Variants in LTF observed in about 807,000 individuals in gnomAD.
The protein encoded by LTF is lactotransferrin, also known as epididymis luminal protein 110.
In LTF, 91 loss-of-function variants were observed where a neutral mutation model predicts 87.2. The observed-to-expected ratio is 1.04, with a 90% CI of 0.88 to 1.24. The LOEUF (loss-of-function observed/expected upper bound fraction) is 1.24. LTF is among the 50% of genes most tolerant of loss of function. The probability of loss-of-function intolerance (pLI) is 0.00; values close to 1 mark genes in which losing one functional copy is unlikely to be tolerated. For missense variants in LTF, 901 were observed against 904.3 expected, an observed-to-expected ratio of 1.00 and a Z score of 0.05; for synonymous variants, 378 against 356.1, an observed-to-expected ratio of 1.06 and a Z score of -0.69.
chr3:46,448,198 T>TACA (rs1389646176), intron 9 of LTF, among the ~76,000 whole-genome samples: 2 of 152,060 alleles, frequency 1.3e-5, no homozygotes, highest in Non-Finnish European at 2.9e-5. Context: ...ACCCTGTCGC[T>TACA]ACAATAATAA....
chr3:46,456,577 A>T (rs1470105263), intron 2 of LTF, among the ~76,000 whole-genome samples, 179 bp from the exon 3 acceptor site: 1 of 152,188 alleles, frequency 6.6e-6, no homozygotes. Context: ...GTTTTGGGAC[A>T]GTGAGCACCA....
At chr3:46,476,923 C>A (rs992113682) in intron 1 of LTF, among the ~76,000 whole-genome samples, 1 of 152,168 alleles carries the variant, frequency 6.6e-6, no homozygotes, top group Non-Finnish European at 1.5e-5. Context: ...ACCAAAGTTA[C>A]CTGTCTATTC....
In LTF at chr3:46,471,265, C is replaced by T. The variant is rs540745928; in HGVS notation, c.-319-799G>A. 1.3e-4 allele frequency among the ~76,000 whole-genome samples: 20 copies of T among 152,252 alleles called. No homozygotes were observed. In the East Asian group the frequency reaches 3.5e-3, roughly 26 times the overall value. On this transcript the variant is annotated intron_variant, in intron 1 of 19. Coordinates refer to the LTF transcript ENST00000443496. ...TGTGTCTCTGTCCTAATCCCTGCCT[C>T]CTCTCTTTCTCTGTCTGTTTCTCTC...
intron 3 of LTF, 87 bp downstream of exon 3, chr3:46,456,203 C>A: frequency 8.3e-7 from 1 of 1,199,054 alleles, no homozygotes; most frequent in Non-Finnish European, 1.2e-6. Context: ...CAGACTCCAC[C>A]TCCACATGTT....
intron 7 of LTF, 46 bp from the exon 8 acceptor site, chr3:46,450,074 G>A (rs1322868487): frequency 6.3e-6 from 9 of 1,429,426 alleles, no homozygotes; most frequent in Non-Finnish European, 6.7e-6. Flanking sequence ...TAAATAGGGA[G>A]GAAACAAAAA....
chr3:46,462,756 G>T (rs1163720514), intron 1 of LTF, among the ~76,000 whole-genome samples: 3 of 152,122 alleles, frequency 2.0e-5, no homozygotes, highest in African/African-American at 7.2e-5. Flanking sequence ...CCAGGGAAGG[G>T]CTAGTCTGAG....
At chr3:46,449,099 C>A (rs1433107965) in intron 8 of LTF, 82 bp from the exon 9 acceptor site, 1 of 1,336,438 alleles carries the variant, frequency 7.5e-7, no homozygotes, top group African/African-American at 1.5e-5. Flanking sequence ...GGGTCCTGCC[C>A]AGACTCTCCC....
At chr3:46,448,450 T>C (rs1314501113) in intron 9 of LTF, among the ~76,000 whole-genome samples, 1 of 152,194 alleles carries the variant, frequency 6.6e-6, no homozygotes. Context: ...TGAAAAGGGC[T>C]TAAAAACGAC....
At chr3:46,464,673 G>T in intron 1 of LTF, 152 bp downstream of exon 1, 2 of 751,436 alleles carry the variant, frequency 2.7e-6, no homozygotes, top group Non-Finnish European at 4.4e-6. Flanking sequence ...GACTGGCCCC[G>T]CGTCCGGGCC....
chr3:46,460,723 T>C (rs1703059761), intron 1 of LTF: 6 of 287,946 alleles, frequency 2.1e-5, no homozygotes, highest in Admixed American at 4.7e-5. Flanking sequence ...GTCACAGCAA[T>C]AAGGCAAGAA....
intron 2 of LTF, chr3:46,470,275 A>C (rs1703265809): frequency 6.6e-6 from 1 of 152,330 alleles, no homozygotes; most frequent in Non-Finnish European, 1.5e-5. Flanking sequence ...TGGAGGGAGC[A>C]TGTGTGTGGC....
In LTF at chr3:46,462,915, G is replaced by C. The variant is rs942858535; in HGVS notation, c.43+1910C>G. Among the ~76,000 whole-genome samples, 4 of 152,140 alleles carry C rather than the reference G, an allele frequency of 2.6e-5. No individual in the cohort carries two copies. The South Asian group carries it at 8.3e-4, about 32-fold the overall frequency. On this transcript the variant is annotated intron_variant, in intron 1 of 16. Transcript: ENST00000231751. Reference sequence around the variant, plus strand: ...CCGGAGGTGGGGGCTGAGCAATGACGGGAACCTGTGGGCAGAGTTCATTTC... The same window carrying C: ...CCGGAGGTGGGGGCTGAGCAATGACCGGAACCTGTGGGCAGAGTTCATTTC...
intron 6 of LTF, among the ~76,000 whole-genome samples, chr3:46,453,485 G>A (rs1336469344): frequency 2.0e-5 from 3 of 151,764 alleles, no homozygotes; most frequent in Non-Finnish European, 4.4e-5. Context: ...TGTCTCTGAT[G>A]GTCCTAGGTG....
chr3:46,457,308 T>C (rs1252331548), intron 2 of LTF, among the ~76,000 whole-genome samples: 1 of 152,250 alleles, frequency 6.6e-6, no homozygotes, highest in Non-Finnish European at 1.5e-5. Flanking sequence ...TCTCATAATG[T>C]GGGTGTTCTA....
In LTF at chr3:46,438,067, G is replaced by A; in HGVS notation, c.1971C>T (p.Thr657=). 1 of 1,613,842 alleles carries A rather than the reference G, an allele frequency of 6.2e-7. No individual in the cohort carries two copies. The highest frequency in any genetic ancestry group is 8.5e-7 in the Non-Finnish European group (1 of 1,179,914). Residue 657 remains threonine (T), a synonymous_variant, in exon 16 of 17, where the codon ACC becomes ACT. Coordinates refer to ENST00000231751, the MANE Select transcript of LTF (RefSeq NM_002343.6). ...TGTTGTCATTGAACAGAAGGTTTTT[G>A]GTTTCAGACTGGAATAAGCAAAACT... ...PDKFCLFQSE[T]KNLLFNDNTE... is the part of the protein sequence containing the mutation.
At chr3:46,442,187 C>T (rs945097371) in intron 13 of LTF, among the ~76,000 whole-genome samples, 1 of 151,778 alleles carries the variant, frequency 6.6e-6, no homozygotes, top group Non-Finnish European at 1.5e-5. Context: ...ATGACATTAG[C>T]GTGTTGGGTG....
rs1269459937 is a variant in LTF, at chr3:46,482,777, GAA to G, written c.-320+2207_-320+2208del. Among the ~76,000 whole-genome samples, 11 of 113,678 alleles carry G rather than the reference GAA, an allele frequency of 9.7e-5. 1 individual carries two copies. Among genetic ancestry groups the G allele is most frequent in the Admixed American group, 5.2e-4 (5 of 9,580 alleles). The allele number at this position is 113,678 out of a possible 152,430, so 74.6% of individuals were successfully genotyped here. Reference sequence around the variant, plus strand: ...AAGGAAAGAGAAAGAAAGAAAGAAAGAAAAAGAAAGAAAGAAAGAAGGAAGGA... The same window carrying G: ...AAGGAAAGAGAAAGAAAGAAAGAAAGAAAGAAAGAAAGAAAGAAGGAAGGA... On this transcript the variant is annotated intron_variant, in intron 1 of 19. Coordinates refer to the LTF transcript ENST00000443496.
intron 1 of LTF, among the ~76,000 whole-genome samples, chr3:46,461,163 G>A (rs771718702): frequency 3.9e-5 from 6 of 152,158 alleles, no homozygotes; most frequent in East Asian, 1.9e-4. Context: ...GACACATATC[G>A]ATGAGGATGT....
At chr3:46,479,748 G>A (rs953370317) in intron 1 of LTF, among the ~76,000 whole-genome samples, 4 of 152,022 alleles carry the variant, frequency 2.6e-5, no homozygotes, top group East Asian at 3.9e-4. Flanking sequence ...GGCTGGTCTC[G>A]AACTCCTGAC....
Sources: allele counts gnomAD v4.1 joint callset (sites outside exome capture counted in the v4.1 genomes callset), GRCh38; gene constraint gnomAD v4.1.1; transcripts MANE v1.5; gene names NCBI Gene and HGNC (gene_info 2026-07-23, HGNC 2026-07-21).